PCDHA11: variants seen among roughly 807,000 people sequenced by gnomAD.
PCDHA11 encodes protocadherin alpha 11.
A neutral mutation model predicts 70.3 loss-of-function variants in PCDHA11; 61 were observed. That is an observed-to-expected ratio of 0.87 (90% CI 0.71 to 1.07). The LOEUF is 1.07. PCDHA11 is among the 50% of genes least tolerant of loss of function. The pLI is 0.00. For missense variants in PCDHA11, 1,324 were observed against 1,237.5 expected, an observed-to-expected ratio of 1.07 and a Z score of -1.05; for synonymous variants, 633 against 555.1, an observed-to-expected ratio of 1.14 and a Z score of -1.97.
intron 1 of PCDHA11, among the ~76,000 whole-genome samples, chr5:140,947,597 G>A (rs1231530518): frequency 1.3e-5 from 2 of 151,586 alleles, no homozygotes; most frequent in African/African-American, 4.8e-5. Context: ...TCAATTTAGG[G>A]AAGATTTGGT....
At chr5:140,938,705 A>G (rs1554212312) in intron 1 of PCDHA11, among the ~76,000 whole-genome samples, 1 of 152,150 alleles carries the variant, frequency 6.6e-6, no homozygotes, top group African/African-American at 2.4e-5. Context: ...ATATATGTTT[A>G]TGATAGAAAC....
At chr5:140,909,065 A>G (rs1402526950) in intron 1 of PCDHA11, among the ~76,000 whole-genome samples, 3 of 152,218 alleles carry the variant, frequency 2.0e-5, no homozygotes, top group Admixed American at 6.5e-5. Flanking sequence ...TGTCTCACCA[A>G]TAAGCCCAGT....
chr5:140,986,758 G>A (rs1242772553), intron 3 of PCDHA11, among the ~76,000 whole-genome samples: 1 of 152,194 alleles, frequency 6.6e-6, no homozygotes, highest in Non-Finnish European at 1.5e-5. Context: ...ACTAAACAGT[G>A]AAAGATTAAT....
Position 140,884,599 on chromosome 5 carries a change from T to C in PCDHA11, c.2391+13105T>C, listed in dbSNP as rs1490825306. 3 of 1,614,042 alleles carry C rather than the reference T, an allele frequency of 1.9e-6. No homozygotes were observed. In the East Asian group the frequency reaches 6.7e-5, roughly 36 times the overall value. ...TCATGGCCTTCAGTCCCAGCCTTCC[T>C]CCTTGTCTGGGTTCTGCAGAGGGAA... On this transcript the variant is annotated intron_variant, in intron 1 of 3. Transcript: ENST00000398640.
chr5:140,963,307 C>G (rs2095756240), intron 1 of PCDHA11, among the ~76,000 whole-genome samples: 1 of 152,062 alleles, frequency 6.6e-6, no homozygotes, highest in African/African-American at 2.4e-5. Context: ...AAATAAGAAG[C>G]TGTTTGTATT....
At chr5:140,928,681 TC>T (rs782384924) in intron 1 of PCDHA11, 4 of 1,614,062 alleles carry the variant, frequency 2.5e-6, no homozygotes. Flanking sequence ...TGCCTGGCTT[TC>T]CTACCACATC....
intron 2 of PCDHA11, among the ~76,000 whole-genome samples, chr5:140,980,357 C>T (rs191882864): frequency 1.6e-3 from 239 of 152,238 alleles, no homozygotes; most frequent in Middle Eastern, 6.8e-3. Flanking sequence ...CTGGACTGGG[C>T]GCGGTGGCTC....
rs782763189 is a variant in PCDHA11 at position 140,871,073 on chromosome 5, C to T, written c.1970C>T (p.Ala657Val). Reference protein sequence around the residue: ...LVLVKDHGEPALTATATVLVS... With the variant: ...LVLVKDHGEPVLTATATVLVS... ...CTGGTGAAGGATCACGGTGAGCCGGCGCTGACGGCCACGGCCACCGTGCTG... is the reference window on the plus strand; with the variant it reads ...CTGGTGAAGGATCACGGTGAGCCGGTGCTGACGGCCACGGCCACCGTGCTG... The change falls in exon 1 of 4, where the codon GCG becomes GTG. Residue 657 changes from alanine to valine, a missense_variant. By Grantham distance (64) the Ala-to-Val change is moderately conservative. Coordinates refer to ENST00000398640, the MANE Select transcript of PCDHA11 (RefSeq NM_018902.5). 1.1e-5 allele frequency: 18 copies of T among 1,613,090 alleles called. No individual in the cohort carries two copies. Among genetic ancestry groups the T allele is most frequent in the Non-Finnish European group, 1.4e-5 (17 of 1,179,860 alleles).
At chr5:140,968,187 A>G in intron 1 of PCDHA11, 3 of 1,614,064 alleles carry the variant, frequency 1.9e-6, no homozygotes, top group Non-Finnish European at 2.5e-6. Context: ...GAGGACTCCT[A>G]TTCCATCTAC....
chr5:140,976,149 A>C (rs1397618914), intron 1 of PCDHA11, among the ~76,000 whole-genome samples: 1 of 152,182 alleles, frequency 6.6e-6, no homozygotes, highest in Non-Finnish European at 1.5e-5. Context: ...ACTCATGTAC[A>C]TTTTACTACT....
At chr5:140,878,859 C>T (rs2057755620) in intron 1 of PCDHA11, among the ~76,000 whole-genome samples, 1 of 152,188 alleles carries the variant, frequency 6.6e-6, no homozygotes, top group African/African-American at 2.4e-5. Flanking sequence ...TTCAACTGAT[C>T]CTCCATTTCA....
rs141432478 is a variant in PCDHA11, at chr5:140,869,089, C to T, written c.-15C>T. The T allele has an allele frequency of 3.1e-6, 5 of 1,588,880 alleles. No homozygotes were observed. The highest frequency in any genetic ancestry group is 4.3e-6 in the Non-Finnish European group (5 of 1,167,424). The stretch of plus-strand genomic sequence containing the variant: ...AGTGTAAAGAAGCTTATTTTGGAAG[C>T]CAATTTCGTATGCGATGTTTGGTTT... On this transcript the variant is annotated 5_prime_UTR_variant, in exon 1 of 4. Coordinates refer to ENST00000398640, the MANE Select transcript of PCDHA11 (RefSeq NM_018902.5).
chr5:141,010,232 A>C lies in PCDHA11; in HGVS notation c.*295A>C. The C allele has an allele frequency of 1.3e-6, 2 of 1,551,952 alleles. No individual in the cohort carries two copies. The highest frequency in any genetic ancestry group is 1.7e-6 in the Non-Finnish European group (2 of 1,147,050). The stretch of plus-strand genomic sequence containing the variant: ...AAAGGAGAGGCTTCCCAGCCCCGCC[A>C]GTGAGAGGTTGGACTCTCTGCCCTG... On this transcript the variant is annotated 3_prime_UTR_variant, in exon 4 of 4. Coordinates refer to ENST00000398640, the MANE Select transcript of PCDHA11 (RefSeq NM_018902.5).
At chr5:141,002,449 C>G (rs2098081029) in intron 3 of PCDHA11, among the ~76,000 whole-genome samples, 1 of 152,192 alleles carries the variant, frequency 6.6e-6, no homozygotes, top group African/African-American at 2.4e-5. Flanking sequence ...ATAATTGGCA[C>G]ATTTGTATAA....
At chr5:140,872,960 C>T (rs953236645) in intron 1 of PCDHA11, among the ~76,000 whole-genome samples, 10 of 152,142 alleles carry the variant, frequency 6.6e-5, no homozygotes, top group African/African-American at 2.4e-4. Context: ...GTAGTATCAT[C>T]CCATCTGAAG....
intron 1 of PCDHA11, among the ~76,000 whole-genome samples, chr5:140,955,355 G>A (rs1406631698): frequency 1.3e-5 from 2 of 152,086 alleles, no homozygotes; most frequent in African/African-American, 4.8e-5. Flanking sequence ...GTTGTGAGAG[G>A]GACCCAGTGG....
intron 1 of PCDHA11, among the ~76,000 whole-genome samples, chr5:140,920,281 A>G (rs1227812998): frequency 6.6e-6 from 1 of 152,176 alleles, no homozygotes; most frequent in Admixed American, 6.5e-5. Flanking sequence ...GTAATCTTAT[A>G]TTTTTTAGAG....
At chr5:140,885,930 A>AT (rs1188534786) in intron 1 of PCDHA11, among the ~76,000 whole-genome samples, 1 of 152,104 alleles carries the variant, frequency 6.6e-6, no homozygotes, top group African/African-American at 2.4e-5. Flanking sequence ...CTGTTTATCT[A>AT]TTTTTTGACA....
At chr5:140,903,416 T>A (rs2070284951) in intron 1 of PCDHA11, among the ~76,000 whole-genome samples, 1 of 152,184 alleles carries the variant, frequency 6.6e-6, no homozygotes, top group Admixed American at 6.5e-5. Flanking sequence ...TCAGGAAAAA[T>A]TCAGCACAAT....
Sources: gnomAD v4.1 joint callset for allele counts (sites outside exome capture counted in the v4.1 genomes callset) on GRCh38, gnomAD v4.1.1 for gene constraint, MANE v1.5 for transcripts, NCBI Gene and HGNC (gene_info 2026-07-23, HGNC 2026-07-21) for gene names.